Variants in MED12L observed in about 807,000 individuals in gnomAD.
MED12L encodes the protein mediator complex subunit 12L.
Under a neutral mutation model 281.3 loss-of-function variants are expected in MED12L, and 60 were observed. That is an observed-to-expected ratio of 0.21 (90% confidence interval 0.17 to 0.26). The LOEUF (loss-of-function observed/expected upper bound fraction) is 0.26. MED12L is among the 10% of genes least tolerant of loss of function. MED12L has a pLI of 1.00. For missense variants in MED12L, 2,146 were observed against 2,680.9 expected (o/e 0.80, Z 4.41); for synonymous variants, 974 against 987.2 (o/e 0.99, Z 0.25).
chr3:151,356,019 C>G lies in MED12L; in HGVS notation c.2641C>G (p.Leu881Val). ...LMEPALNING[L>V]IDFAIQLLNE... ...GGAGCCAGCACTGAACATCAACGGA[C>G]TAATTGACTTCGCAATACAGGTGTC... The change falls in exon 19 of 45, where the codon CTA (leucine) becomes GTA (valine). Residue 881 changes from leucine (L) to valine (V), a missense_variant. This residue lies in a region of MED12L where 404 missense variants were observed against 603.5 expected (regional missense o/e 0.67). Transcript: ENST00000687756. The G allele has an allele frequency of 6.2e-7, 1 of 1,612,736 alleles. No individual in the cohort carries two copies. The highest frequency in any genetic ancestry group is 1.1e-5 in the South Asian group (1 of 90,740).
chr3:151,321,499 A>T (rs964889077), intron 16 of MED12L, among the ~76,000 whole-genome samples: 1 of 152,216 alleles, frequency 6.6e-6, no homozygotes, highest in Non-Finnish European at 1.5e-5. Flanking sequence ...GTCAATACAT[A>T]AAGCTAATAT....
intron 16 of MED12L, among the ~76,000 whole-genome samples, chr3:151,232,192 C>G (rs928384095): frequency 6.6e-6 from 1 of 152,118 alleles, no homozygotes; most frequent in African/African-American, 2.4e-5. Flanking sequence ...ATTTTCTTTT[C>G]TCTTTCTATA....
intron 5 of MED12L, among the ~76,000 whole-genome samples, chr3:151,130,178 A>G (rs1715168749): frequency 6.6e-6 from 1 of 152,118 alleles, no homozygotes; most frequent in African/African-American, 2.4e-5. Context: ...CTGAACCATA[A>G]TGTATATCAA....
At chr3:151,142,369 C>T (rs1717146690) in intron 5 of MED12L, among the ~76,000 whole-genome samples, 1 of 152,176 alleles carries the variant, frequency 6.6e-6, no homozygotes. Context: ...ATTTGTTGGG[C>T]ATCTTGCAGA....
At chr3:151,430,168 A>T in intron 43 of MED12L, 131 bp from the exon 44 acceptor site, 3 of 1,313,876 alleles carry the variant, frequency 2.3e-6, no homozygotes, top group Non-Finnish European at 3.1e-6. Context: ...ATCCACACAC[A>T]GTTGTCATAG....
chr3:151,391,462 TTC>T (rs1329600385), intron 38 of MED12L, among the ~76,000 whole-genome samples: 1 of 152,200 alleles, frequency 6.6e-6, no homozygotes, highest in African/African-American at 2.4e-5. Flanking sequence ...TACCCTCTGT[TTC>T]TCTCTTTTTT....
intron 16 of MED12L, among the ~76,000 whole-genome samples, chr3:151,275,916 G>A (rs539444987): frequency 1.3e-5 from 2 of 152,196 alleles, no homozygotes; most frequent in South Asian, 4.1e-4. Flanking sequence ...GTGATGGTGG[G>A]GAGGCTATGG....
intron 16 of MED12L, chr3:151,199,435 A>G: frequency 6.6e-7 from 1 of 1,504,826 alleles, no homozygotes; most frequent in Non-Finnish European, 8.9e-7. Flanking sequence ...AAAATTTCTA[A>G]GACTCTGTAA....
At chr3:151,420,347 T>G (rs538767364) in intron 43 of MED12L, among the ~76,000 whole-genome samples, 11 of 152,290 alleles carry the variant, frequency 7.2e-5, no homozygotes, top group Admixed American at 4.6e-4. Context: ...GGTGGCAATC[T>G]TAATTTCCAG....
chr3:151,351,493 A>C (rs938783306), intron 17 of MED12L, among the ~76,000 whole-genome samples: 1 of 152,142 alleles, frequency 6.6e-6, no homozygotes, highest in Non-Finnish European at 1.5e-5. Context: ...CTTCTTGTTG[A>C]TGTGTCATTA....
In MED12L at chr3:151,307,531, CTCTGTGTGTGTGTGTGTGTG is replaced by C. The variant is rs1490800645; in HGVS notation, c.2251-42526_2251-42507del. Reference sequence around the variant, plus strand: ...TTTTTAGGTGACCTCAGGTAACTTGCTCTGTGTGTGTGTGTGTGTGTGTGTGTGTGTGTGTGTGTGTGTGT... The same window carrying C: ...TTTTTAGGTGACCTCAGGTAACTTGCTGTGTGTGTGTGTGTGTGTGTGTGT... On this transcript the variant is annotated intron_variant, in intron 16 of 44. Transcript: ENST00000687756. 5.8e-4 allele frequency among the ~76,000 whole-genome samples: 70 copies of C among 120,536 alleles called. 1 individual carries two copies. The highest frequency in any genetic ancestry group is 2.0e-3 in the African/African-American group (69 of 33,902). 79.1% of individuals were successfully genotyped at this position (120,536 alleles called of 152,430 possible).
intron 16 of MED12L, among the ~76,000 whole-genome samples, chr3:151,235,410 TAAAAGCAAC>T (rs1732533725): frequency 6.6e-6 from 1 of 152,120 alleles, no homozygotes; most frequent in Non-Finnish European, 1.5e-5. Context: ...TGAAAAGATC[TAAAAGCAAC>T]TCATGGCCTG....
chr3:151,390,050 T>A lies in MED12L; in HGVS notation c.5523T>A (p.His1841Gln), dbSNP rs748672058. ...YSPISSQMMH[H>Q]PQSTLWGYNL... ...CTATCTCCTCCCAAATGATGCACCA[T>A]CCACAGTCCACCTTGTGGGGTTACA... The change falls in exon 38 of 45, where the codon CAT becomes CAA. Residue 1841 changes from histidine (H) to glutamine (Q), a missense_variant. By Grantham distance (24) the His-to-Gln change is conservative (BLOSUM62 0). Coordinates refer to ENST00000687756, the MANE Select transcript of MED12L (RefSeq NM_001393769.1). 41 of 1,613,988 alleles carry A rather than the reference T, an allele frequency of 2.5e-5. No homozygotes were observed. The highest frequency in any genetic ancestry group is 5.5e-5 in the South Asian group (5 of 91,086).
intron 16 of MED12L, among the ~76,000 whole-genome samples, chr3:151,262,387 T>A (rs750765286): frequency 1.6e-4 from 24 of 152,198 alleles, no homozygotes; most frequent in Non-Finnish European, 3.1e-4. Context: ...CACACTGAGA[T>A]ATCTCCAGAC....
Position 151,394,618 on chromosome 3 carries a change from C to T in MED12L, c.5609-38C>T, listed in dbSNP as rs769667975. 27 of 1,610,060 alleles carry T rather than the reference C, an allele frequency of 1.7e-5. No homozygotes were observed. In the Admixed American group the frequency reaches 2.2e-4, roughly 13 times the overall value. On this transcript the variant is annotated intron_variant, in intron 38 of 44. Transcript: ENST00000687756. The stretch of plus-strand genomic sequence containing the variant: ...TACATAAAAAGACCTGTTGCATTAA[C>T]GTAGTTAGAAAGTGTTTCCTTTTGG...
chr3:151,136,728 C>A (rs561317535), intron 5 of MED12L, among the ~76,000 whole-genome samples: 1 of 152,288 alleles, frequency 6.6e-6, no homozygotes, highest in Admixed American at 6.5e-5. Context: ...TAAATGAGGG[C>A]TTTCTCTCAT....
intron 11 of MED12L, among the ~76,000 whole-genome samples, chr3:151,175,553 A>G (rs1420032991): frequency 6.6e-6 from 1 of 152,204 alleles, no homozygotes; most frequent in Non-Finnish European, 1.5e-5. Flanking sequence ...GAAACTGGCA[A>G]AAGATCTCAC....
chr3:151,223,552 T>C (rs190901401), intron 16 of MED12L, among the ~76,000 whole-genome samples: 2 of 152,314 alleles, frequency 1.3e-5, no homozygotes, highest in African/African-American at 4.8e-5. Context: ...TGGTTGTAGC[T>C]AGAGGCCATT....
intron 5 of MED12L, among the ~76,000 whole-genome samples, chr3:151,133,970 A>G (rs1156693117): frequency 6.6e-6 from 1 of 152,230 alleles, no homozygotes; most frequent in East Asian, 1.9e-4. Context: ...TGCTGAATCA[A>G]CTAATAATAA....
Sources: gnomAD v4.1 joint callset for allele counts (sites outside exome capture counted in the v4.1 genomes callset) on GRCh38, gnomAD v4.1.1 for gene constraint, gnomAD v4.1.1 regional missense constraint, MANE v1.5 for transcripts, NCBI Gene and HGNC (gene_info 2026-07-23, HGNC 2026-07-21) for gene names.